Variants in MPHOSPH6 observed in about 807,000 individuals in gnomAD.
MPHOSPH6 encodes M-phase phosphoprotein 6.
Under a neutral mutation model 21.8 loss-of-function variants are expected in MPHOSPH6, and 25 were observed. The observed-to-expected ratio is 1.15, with a 90% confidence interval of 0.83 to 1.60. The LOEUF (loss-of-function observed/expected upper bound fraction) is 1.60. MPHOSPH6 is among the 40% of genes most tolerant of loss of function. The pLI, the probability that MPHOSPH6 is intolerant of heterozygous loss-of-function variation, is 0.00. For missense variants in MPHOSPH6, 269 were observed against 181.8 expected, an observed-to-expected ratio of 1.48 and a Z score of -2.76; for synonymous variants, 84 against 56.5, an observed-to-expected ratio of 1.49 and a Z score of -2.18.
chr16:82,167,883 G>C (rs1234011861), intron 1 of MPHOSPH6, among the ~76,000 whole-genome samples: 4 of 152,164 alleles, frequency 2.6e-5, no homozygotes, highest in Admixed American at 2.0e-4. Context: ...CCATGGCCTG[G>C]CGGTTGGGGA....
At chr16:82,149,272 A>T in intron 4 of MPHOSPH6, 37 bp downstream of exon 4, 1 of 1,593,410 alleles carries the variant, frequency 6.3e-7, no homozygotes, top group Non-Finnish European at 8.6e-7. Context: ...AATGAATGCT[A>T]GGTCCAGATT....
chr16:82,160,020 G>T (rs1413187382), intron 2 of MPHOSPH6, among the ~76,000 whole-genome samples: 12 of 152,108 alleles, frequency 7.9e-5, no homozygotes. Flanking sequence ...TTCACTTAAG[G>T]CAAAGGAGGG....
chr16:82,168,670 C>G (rs1278952030), intron 1 of MPHOSPH6, among the ~76,000 whole-genome samples: 1 of 152,134 alleles, frequency 6.6e-6, no homozygotes, highest in African/African-American at 2.4e-5. Context: ...TGGGGTTTCA[C>G]CATGTTGCCC....
In MPHOSPH6 at chr16:82,158,349, A is replaced by G. The variant is rs1430572754; in HGVS notation, c.164+5733T>C. ...TAAAAAAATACAAAAAAAAAAAAAA[A>G]TTGGCTGGGCATAGCGGCGGGTGCC... On this transcript the variant is annotated intron_variant, in intron 2 of 4. Coordinates refer to ENST00000258169, the MANE Select transcript of MPHOSPH6 (RefSeq NM_005792.2). Among the ~76,000 whole-genome samples, 10 of 151,314 alleles carry G rather than the reference A, an allele frequency of 6.6e-5. No homozygotes were observed. In the South Asian group the frequency reaches 2.1e-3, roughly 32 times the overall value.
At chr16:82,170,099 G>T in intron 1 of MPHOSPH6, 26 bp downstream of exon 1, 1 of 1,582,788 alleles carries the variant, frequency 6.3e-7, no homozygotes, top group African/African-American at 1.4e-5. Context: ...CTACCGCCCG[G>T]AGTGGCGCTC....
At position 82,168,311 on chromosome 16, in the gene MPHOSPH6, C is replaced by G. The variant is rs1567617366; in HGVS notation, c.51+1814G>C. 2.0e-5 allele frequency among the ~76,000 whole-genome samples: 3 copies of G among 152,130 alleles called. No homozygotes were observed. In the South Asian group the frequency reaches 6.2e-4, roughly 32 times the overall value. ...TTATTACCAACCATAAAATCAAACT[C>G]TGTTCAGTAAAGATTCAAATTTTGC... On this transcript the variant is annotated intron_variant, in intron 1 of 4. Coordinates refer to ENST00000258169, the MANE Select transcript of MPHOSPH6 (RefSeq NM_005792.2).
chr16:82,152,311 T>C (rs1241775497), intron 2 of MPHOSPH6, among the ~76,000 whole-genome samples: 1 of 152,196 alleles, frequency 6.6e-6, no homozygotes, highest in Non-Finnish European at 1.5e-5. Context: ...CACCAAATTC[T>C]TATTACAAAT....
chr16:82,158,616 A>G (rs1906509265), intron 2 of MPHOSPH6, among the ~76,000 whole-genome samples: 3 of 151,758 alleles, frequency 2.0e-5, no homozygotes, highest in African/African-American at 7.3e-5. Context: ...CACCGTAACT[A>G]TGGTTTTGCG....
chr16:82,153,526 G>C (rs1862823), intron 2 of MPHOSPH6, among the ~76,000 whole-genome samples: 3 of 152,246 alleles, frequency 2.0e-5, no homozygotes, highest in Admixed American at 2.0e-4. Flanking sequence ...TGTTTCATTG[G>C]GGCTTTAGTT....
intron 2 of MPHOSPH6, among the ~76,000 whole-genome samples, chr16:82,155,295 T>C (rs1309496819): frequency 6.6e-6 from 1 of 152,244 alleles, no homozygotes. Flanking sequence ...ACTACTCTTG[T>C]CGTTTCTATT....
chr16:82,166,647 C>T (rs1314454748), intron 1 of MPHOSPH6, among the ~76,000 whole-genome samples: 1 of 150,612 alleles, frequency 6.6e-6, no homozygotes, highest in Non-Finnish European at 1.5e-5. Context: ...CAAAAGAGCT[C>T]ACTCAGTGAA....
chr16:82,159,553 C>T (rs913945801), intron 2 of MPHOSPH6, among the ~76,000 whole-genome samples: 2 of 152,158 alleles, frequency 1.3e-5, no homozygotes, highest in Admixed American at 6.5e-5. Context: ...TACAGGCACA[C>T]GCCATCATGC....
intron 1 of MPHOSPH6, among the ~76,000 whole-genome samples, chr16:82,169,430 G>C (rs937372125): frequency 2.0e-5 from 3 of 152,168 alleles, no homozygotes; most frequent in Admixed American, 6.5e-5. Context: ...CTTCTCCCTG[G>C]AAGAAGAGGG....
In MPHOSPH6 at chr16:82,157,967, T is replaced by C. The variant is rs1906481722; in HGVS notation, c.164+6115A>G. On this transcript the variant is annotated intron_variant, in intron 2 of 4. Transcript: ENST00000258169. The stretch of plus-strand genomic sequence containing the variant: ...TTACTGTGTTGACATTTGCAGACTG[T>C]GCAAAAGCAACTCTGGGTAAAACGA... Among the ~76,000 whole-genome samples, 10 of 152,296 alleles carry C rather than the reference T, an allele frequency of 6.6e-5. No homozygotes were observed. The South Asian group carries it at 2.1e-3, about 32-fold the overall frequency.
intron 2 of MPHOSPH6, among the ~76,000 whole-genome samples, chr16:82,157,652 G>A (rs1034478902): frequency 2.0e-5 from 3 of 151,968 alleles, no homozygotes; most frequent in African/African-American, 7.2e-5. Flanking sequence ...CGTGCACACA[G>A]TTTAAGGGGA....
At chr16:82,161,607 G>C (rs1260460203) in intron 2 of MPHOSPH6, among the ~76,000 whole-genome samples, 2 of 152,222 alleles carry the variant, frequency 1.3e-5, no homozygotes, top group Admixed American at 1.3e-4. Context: ...CTCTGAGACA[G>C]ACATATATGC....
rs757111755 is a variant in MPHOSPH6, at chr16:82,164,089, C to G, written c.157G>C (p.Glu53Gln). 3.5e-5 allele frequency: 56 copies of G among 1,607,320 alleles called. No homozygotes were observed. In the Admixed American group the frequency reaches 4.7e-4, roughly 13 times the overall value. Residue 53 changes from glutamate to glutamine, a missense_variant, in exon 2 of 5, where the codon GAG becomes CAG. Transcript: ENST00000258169. The part of the protein sequence containing the change: ...HWYLDLPELK[E>Q]KESFIIEEQS... ...CAATTTTAATAAACCTACTCTTTCTCTTTAAGCTCTGGCAAATCCAAGTAC... is the reference window on the plus strand; with the variant it reads ...CAATTTTAATAAACCTACTCTTTCTGTTTAAGCTCTGGCAAATCCAAGTAC...
At position 82,148,535 on chromosome 16, in the gene MPHOSPH6, GA is replaced by G; in HGVS notation, c.*195del. ...AGATCAGGGGCTAAAAATCCACTCTGAATGAATACCAAGAAGCAAAGGATGT... is the reference window on the plus strand; with the variant it reads ...AGATCAGGGGCTAAAAATCCACTCTGATGAATACCAAGAAGCAAAGGATGT... On this transcript the variant is annotated 3_prime_UTR_variant, in exon 5 of 5. Transcript: ENST00000258169. 1.6e-6 allele frequency: 1 copy of G among 618,540 alleles called. No homozygotes were observed. Among genetic ancestry groups the G allele is most frequent in the Non-Finnish European group, 2.5e-6 (1 of 401,664 alleles). 38.3% of individuals were successfully genotyped at this position (618,540 alleles called of 1,614,324 possible). A position where few individuals can be genotyped will look rare whatever the true frequency, so the allele number is the denominator to read the frequency against.
chr16:82,148,770 T>A lies in MPHOSPH6; in HGVS notation c.444A>T (p.Pro148=), dbSNP rs144748963. Residue 148 remains proline (P), a synonymous_variant, in exon 5 of 5, where the codon CCA becomes CCT. Transcript: ENST00000258169. Reference sequence around the variant, plus strand: ...TTAAGAACATCTTCTTTGCTTTAATTGGTGTTATGTCTCCATTTTCATCTT... The same window carrying A: ...TTAAGAACATCTTCTTTGCTTTAATAGGTGTTATGTCTCCATTTTCATCTT... ...YEEDENGDIT[P]IKAKKMFLKP... 7.1e-5 allele frequency: 115 copies of A among 1,614,182 alleles called. No homozygotes were observed. The African/African-American group carries it at 1.4e-3, about 20-fold the overall frequency.
Sources: gnomAD v4.1 joint callset for allele counts (sites outside exome capture counted in the v4.1 genomes callset) on GRCh38, gnomAD v4.1.1 for gene constraint, MANE v1.5 for transcripts, NCBI Gene and HGNC (gene_info 2026-07-23, HGNC 2026-07-21) for gene names.